NPHP1: variants seen among roughly 807,000 people sequenced by gnomAD.
The protein encoded by NPHP1 is nephrocystin 1, also known as nephrocystin-1.
A neutral mutation model predicts 90.4 loss-of-function variants in NPHP1; 70 were observed. That is an observed-to-expected ratio of 0.77 (90% CI 0.64 to 0.95). The LOEUF is 0.95. NPHP1 is among the 40% of genes least tolerant of loss of function. The pLI is 0.00. For missense variants in NPHP1, 764 were observed against 795.9 expected, an observed-to-expected ratio of 0.96 and a Z score of 0.48; for synonymous variants, 256 against 271.7, an observed-to-expected ratio of 0.94 and a Z score of 0.57.
chr2:110,188,061 A>G (rs1376809149), intron 2 of NPHP1, among the ~76,000 whole-genome samples: 1 of 152,216 alleles, frequency 6.6e-6, no homozygotes, highest in Non-Finnish European at 1.5e-5. Flanking sequence ...CCAATATCAT[A>G]CTGAATGGGC....
At chr2:110,200,542 G>A (rs1298877567) in intron 2 of NPHP1, among the ~76,000 whole-genome samples, 4 of 152,156 alleles carry the variant, frequency 2.6e-5, no homozygotes, top group Non-Finnish European at 5.9e-5. Flanking sequence ...CAGCCTGGGT[G>A]ACAGAGTGAG....
At chr2:110,145,268 C>T (rs1041956100) in intron 14 of NPHP1, among the ~76,000 whole-genome samples, 3 of 152,274 alleles carry the variant, frequency 2.0e-5, no homozygotes, top group African/African-American at 7.2e-5. Context: ...TCAGAGGCAA[C>T]TTCTGGGAAC....
intron 2 of NPHP1, chr2:110,184,312 T>G (rs1484813625): frequency 1.6e-6 from 1 of 608,288 alleles, no homozygotes; most frequent in Non-Finnish European, 3.2e-6. Flanking sequence ...TGGAACGACA[T>G]GGAACACATC....
intron 7 of NPHP1, 120 bp from the exon 8 acceptor site, chr2:110,164,850 A>T (rs1018751751): frequency 4.9e-6 from 5 of 1,019,692 alleles, no homozygotes; most frequent in African/African-American, 1.6e-5. Flanking sequence ...CAGTTTCCAG[A>T]TGAAAACGAG....
At position 110,184,338 on chromosome 2, in the gene NPHP1, T is replaced by G. The variant is rs931837288; in HGVS notation, c.144-4654A>C. ...GGAACACATCTGGCAATATGTCTAT[T>G]CTAAGGACCAGCTGCAGACTTTCTC... On this transcript the variant is annotated intron_variant, in intron 2 of 19. Coordinates refer to ENST00000445609, the MANE Select transcript of NPHP1 (RefSeq NM_001128178.3). 3 of 610,598 alleles carry G rather than the reference T, an allele frequency of 4.9e-6. No homozygotes were observed. In the African/African-American group the frequency reaches 5.5e-5, roughly 11 times the overall value. 37.8% of individuals were successfully genotyped at this position (610,598 alleles called of 1,614,324 possible).
At chr2:110,178,195 T>C (rs1683639724) in intron 4 of NPHP1, 2 of 537,540 alleles carry the variant, frequency 3.7e-6, no homozygotes, top group African/African-American at 3.8e-5. Flanking sequence ...TCTGTTTTGT[T>C]TCAACTAAAT....
At position 110,143,646 on chromosome 2, in the gene NPHP1, T is replaced by C; in HGVS notation, c.1430-5A>G. On this transcript the variant is annotated splice_polypyrimidine_tract_variant and splice_region_variant and intron_variant, in intron 15 of 19. Coordinates refer to ENST00000445609, the MANE Select transcript of NPHP1 (RefSeq NM_001128178.3). The stretch of plus-strand genomic sequence containing the variant: ...GGTAGAAAACACTGCCGTGTGCTTT[T>C]AAGAAAAATCAAAAGTAACTCACGA... 6.2e-7 allele frequency: 1 copy of C among 1,605,974 alleles called. No individual in the cohort carries two copies. The highest frequency in any genetic ancestry group is 8.5e-7 in the Non-Finnish European group (1 of 1,172,674).
At position 110,178,608 on chromosome 2, in the gene NPHP1, G is replaced by C. The variant is rs1683675544; in HGVS notation, c.205-61C>G. ...TAATTTCAGTTTCCTAATTTCAAAA[G>C]AACAACAAAAAATTCCAATAAGTGC... On this transcript the variant is annotated intron_variant, in intron 3 of 19. Transcript: ENST00000445609. 9.1e-6 allele frequency: 14 copies of C among 1,534,924 alleles called. No individual in the cohort carries two copies. The South Asian group carries it at 1.7e-4, about 19-fold the overall frequency.
chr2:110,146,872 G>A (rs758554085), intron 13 of NPHP1, 37 bp from the exon 14 acceptor site: 1 of 1,446,378 alleles, frequency 6.9e-7, no homozygotes, highest in Non-Finnish European at 9.7e-7. Flanking sequence ...CTTAAGGTCT[G>A]AACTAGTCAA....
rs1679245064 is a variant in NPHP1, at chr2:110,124,968, T to C, written c.1761+669A>G. On this transcript the variant is annotated intron_variant, in intron 19 of 19. Coordinates refer to ENST00000445609, the MANE Select transcript of NPHP1 (RefSeq NM_001128178.3). ...ATCAGGACTGGTAAAGTATGGACTG[T>C]GGGCCAAATGTGGACTCTCACCTCT... The C allele has an allele frequency of 9.7e-6, 4 of 410,634 alleles. No individual in the cohort carries two copies. The East Asian group carries it at 1.6e-4, about 16-fold the overall frequency. The allele number at this position is 410,634 out of a possible 1,614,324, so 25.4% of individuals were successfully genotyped here.
At chr2:110,191,903 G>C (rs1467696229) in intron 2 of NPHP1, among the ~76,000 whole-genome samples, 1 of 139,320 alleles carries the variant, frequency 7.2e-6, no homozygotes, top group Non-Finnish European at 1.6e-5. Flanking sequence ...ACAGCGTCTG[G>C]AGTGGACCTC....
chr2:110,153,785 T>C (rs1228960091), intron 11 of NPHP1, among the ~76,000 whole-genome samples: 1 of 151,908 alleles, frequency 6.6e-6, no homozygotes, highest in Non-Finnish European at 1.5e-5. Flanking sequence ...AGTTCAAGAC[T>C]AGCCTGGCCA....
chr2:110,160,767 G>T (rs1254315653), intron 10 of NPHP1, among the ~76,000 whole-genome samples: 1 of 152,160 alleles, frequency 6.6e-6, no homozygotes, highest in Non-Finnish European at 1.5e-5. Context: ...GTATAATTCA[G>T]ATTGTGAGTA....
At chr2:110,155,806 A>G (rs183935695) in intron 11 of NPHP1, among the ~76,000 whole-genome samples, 5 of 152,268 alleles carry the variant, frequency 3.3e-5, no homozygotes, top group Admixed American at 3.3e-4. Flanking sequence ...GCTCATAGGC[A>G]GAAGAGACTT....
chr2:110,129,611 C>A (rs1323762201), intron 17 of NPHP1, among the ~76,000 whole-genome samples: 1 of 152,170 alleles, frequency 6.6e-6, no homozygotes, highest in Non-Finnish European at 1.5e-5. Context: ...AGAGGTAGCC[C>A]TGCTCTTGGG....
intron 12 of NPHP1, among the ~76,000 whole-genome samples, chr2:110,149,360 G>C (rs1367475038): frequency 6.6e-6 from 1 of 152,090 alleles, no homozygotes; most frequent in Non-Finnish European, 1.5e-5. Context: ...CACATACACA[G>C]AGACGCAATA....
intron 2 of NPHP1, among the ~76,000 whole-genome samples, chr2:110,181,356 T>G (rs531453000): frequency 6.6e-6 from 1 of 152,234 alleles, no homozygotes; most frequent in Non-Finnish European, 1.5e-5. Flanking sequence ...CCAAAAGGGG[T>G]TTCCAGCCAC....
At chr2:110,189,728 C>T (rs1016122049) in intron 2 of NPHP1, among the ~76,000 whole-genome samples, 5 of 152,054 alleles carry the variant, frequency 3.3e-5, no homozygotes, top group Non-Finnish European at 7.4e-5. Flanking sequence ...CTGACTGGTG[C>T]GTTTACAATC....
At chr2:110,125,897 C>G in intron 18 of NPHP1, 2 of 580,338 alleles carry the variant, frequency 3.4e-6, no homozygotes, top group Non-Finnish European at 6.1e-6. Flanking sequence ...GCCGTAGAAG[C>G]CCATGATAAT....
Sources: gnomAD v4.1 joint callset for allele counts (sites outside exome capture counted in the v4.1 genomes callset) on GRCh38, gnomAD v4.1.1 for gene constraint, MANE v1.5 for transcripts, NCBI Gene and HGNC (gene_info 2026-07-23, HGNC 2026-07-21) for gene names.